TBC1D16: variants seen among roughly 807,000 people sequenced by gnomAD.
The protein encoded by TBC1D16 is CTD-2529O21.1.
TBC1D16 carries 58 observed loss-of-function variants against 74.7 expected under a neutral mutation model. That is an observed-to-expected ratio of 0.78 (90% CI 0.63 to 0.97). The LOEUF is 0.97. Ranked by LOEUF, TBC1D16 falls within the 50% of genes least tolerant of loss-of-function variation. The pLI, the probability that TBC1D16 is intolerant of heterozygous loss-of-function variation, is 0.00. For synonymous variants in TBC1D16, 493 were observed against 474.7 expected, an observed-to-expected ratio of 1.04 and a Z score of -0.50; for missense variants, 1,014 against 1,079.5, an observed-to-expected ratio of 0.94 and a Z score of 0.85.
At chr17:79,964,017 C>G (rs1257727515) in intron 3 of TBC1D16, among the ~76,000 whole-genome samples, 1 of 152,110 alleles carries the variant, frequency 6.6e-6, no homozygotes, top group Non-Finnish European at 1.5e-5. Context: ...GCTCTGTCGT[C>G]CAGGCTGGAG....
intron 1 of TBC1D16, among the ~76,000 whole-genome samples, chr17:80,018,321 G>A (rs183995993): frequency 0.081 from 11,699 of 144,710 alleles, 782 homozygotes; most frequent in Non-Finnish European, 0.091. Flanking sequence ...TCACTCTGTA[G>A]CCCAGGCTGG....
At chr17:80,023,722 G>A (rs1326097557) in intron 1 of TBC1D16, among the ~76,000 whole-genome samples, 1 of 146,784 alleles carries the variant, frequency 6.8e-6, no homozygotes, top group Non-Finnish European at 1.5e-5. Context: ...GCCTGGCCCC[G>A]CTGTGGGCTT....
chr17:79,946,748 G>C (rs2032575461), intron 9 of TBC1D16, among the ~76,000 whole-genome samples: 1 of 152,220 alleles, frequency 6.6e-6, no homozygotes, highest in South Asian at 2.1e-4. Context: ...AGGAAGACCA[G>C]GTCACTCAGT....
At chr17:79,943,296 G>A (rs1270808885) in intron 10 of TBC1D16, among the ~76,000 whole-genome samples, 1 of 152,194 alleles carries the variant, frequency 6.6e-6, no homozygotes, top group Non-Finnish European at 1.5e-5. Flanking sequence ...CACAGCGGAG[G>A]GGTTGCAGGA....
At chr17:79,960,809 A>AAAAAAT (rs2033576160) in intron 3 of TBC1D16, among the ~76,000 whole-genome samples, 1 of 136,146 alleles carries the variant, frequency 7.3e-6, no homozygotes, top group Non-Finnish European at 1.6e-5. Context: ...AAAAAAAAAA[A>AAAAAAT]CGAAGGAATG....
intron 1 of TBC1D16, among the ~76,000 whole-genome samples, chr17:80,024,602 T>TA (rs1568648763): frequency 9.5e-6 from 1 of 105,288 alleles, no homozygotes; most frequent in African/African-American, 4.0e-5. Context: ...CCACACACCA[T>TA]AGACACACAC....
intron 3 of TBC1D16, among the ~76,000 whole-genome samples, chr17:79,982,531 T>C (rs952497956): frequency 6.6e-6 from 1 of 151,940 alleles, no homozygotes; most frequent in African/African-American, 2.4e-5. Context: ...TGTGCACGTG[T>C]GTACAGGTAC....
In TBC1D16 at chr17:79,983,863, A is replaced by T. The variant is rs542421931; in HGVS notation, c.779+26297T>A. Reference sequence around the variant, plus strand: ...GCATGTATCAAATATGACAAAATTTAAAAAAAATTTAAATTTATTTAGAGA... The same window carrying T: ...GCATGTATCAAATATGACAAAATTTTAAAAAAATTTAAATTTATTTAGAGA... On this transcript the variant is annotated intron_variant, in intron 3 of 11. Coordinates refer to ENST00000310924, the MANE Select transcript of TBC1D16 (RefSeq NM_019020.4). The surrounding 1 kb of genome is among the most constrained non-coding windows in gnomAD (Gnocchi z 5.6). Among the ~76,000 whole-genome samples the T allele has an allele frequency of 5.1e-3, 770 of 152,192 alleles. 2 individuals are homozygous for T. The highest frequency in any genetic ancestry group is 0.01 in the African/African-American group (426 of 41,502).
Position 79,940,939 on chromosome 17 carries a change from C to T in TBC1D16, c.2224G>A (p.Glu742Lys). The T allele has an allele frequency of 6.3e-7, 1 of 1,598,048 alleles. No homozygotes were observed. Among genetic ancestry groups the T allele is most frequent in the Admixed American group, 1.7e-5 (1 of 58,988 alleles). ...CTCAGGGACTTGGGGGAAGGCATCT[C>T]CACCGTGCCCCCGTAGGGACAGCTC... The part of the protein sequence containing the change: ...SESCPYGGTV[E>K]MPSPKSLREG... The change falls in exon 12 of 12, where the codon GAG (glutamate) becomes AAG (lysine). Residue 742 changes from glutamate (E) to lysine (K), a missense_variant. By Grantham distance (56) the Glu-to-Lys change is moderately conservative (BLOSUM62 1). Coordinates refer to ENST00000310924, the MANE Select transcript of TBC1D16 (RefSeq NM_019020.4). This position sits in a 1 kb window ranked among gnomAD's most constrained non-coding sequence, Gnocchi z 5.4.
At position 79,945,740 on chromosome 17, in the gene TBC1D16, T is replaced by C. The variant is rs1364081694; in HGVS notation, c.1729-653A>G. Among the ~76,000 whole-genome samples, 4 of 152,200 alleles carry C rather than the reference T, an allele frequency of 2.6e-5. No homozygotes were observed. The East Asian group carries it at 5.8e-4, about 22-fold the overall frequency. The stretch of plus-strand genomic sequence containing the variant: ...CATGAGCCGTCAGAGGCGAATGGCG[T>C]TGGACACTGTAACTGCCTCCCCAAG... On this transcript the variant is annotated intron_variant, in intron 9 of 11. Transcript: ENST00000310924.
At position 79,950,965 on chromosome 17, in the gene TBC1D16, A is replaced by C. The variant is rs1013724880; in HGVS notation, c.1090-387T>G. 1 of 1,001,534 alleles carries C rather than the reference A, an allele frequency of 1.0e-6. No individual in the cohort carries two copies. Among genetic ancestry groups the C allele is most frequent in the Non-Finnish European group, 1.4e-6 (1 of 709,400 alleles). The allele number at this position is 1,001,534 out of a possible 1,614,324, so 62.0% of individuals were successfully genotyped here. ...TCTGCGAGCAGGGAGCCAGCCTGTC[A>C]GATTGCCTCCGCGAGCAGTCACGAA... On this transcript the variant is annotated intron_variant, in intron 5 of 11. Coordinates refer to ENST00000310924, the MANE Select transcript of TBC1D16 (RefSeq NM_019020.4). This position sits in a 1 kb window ranked among gnomAD's most constrained non-coding sequence, Gnocchi z 4.6.
In TBC1D16 at chr17:79,950,343, T is replaced by TCCCTCTCG; in HGVS notation, c.1257+60_1257+67dup. 6.7e-7 allele frequency: 1 copy of TCCCTCTCG among 1,497,672 alleles called. No homozygotes were observed. Among genetic ancestry groups the TCCCTCTCG allele is most frequent in the Non-Finnish European group, 8.9e-7 (1 of 1,129,440 alleles). 92.8% of individuals were successfully genotyped at this position (1,497,672 alleles called of 1,614,324 possible). ...CGGGCGGCCAGGCCCCGGCCCTCCTTCCCTCTCGCTCGTTCCCGGTTCCCG... is the reference window on the plus strand; with the variant it reads ...CGGGCGGCCAGGCCCCGGCCCTCCTTCCCTCTCGCCCTCTCGCTCGTTCCCGGTTCCCG... On this transcript the variant is annotated intron_variant, in intron 6 of 11. Transcript: ENST00000310924. The surrounding 1 kb of genome is among the most constrained non-coding windows in gnomAD (Gnocchi z 4.6).
At chr17:79,998,125 C>CAAAAA (rs901486919) in intron 3 of TBC1D16, among the ~76,000 whole-genome samples, 15 of 51,538 alleles carry the variant, frequency 2.9e-4, no homozygotes, top group Non-Finnish European at 4.9e-4. Flanking sequence ...AACTCTGTCT[C>CAAAAA]AAAAAAAAAA....
In TBC1D16 at chr17:79,979,309, C is replaced by CAG. The variant is rs1410916068; in HGVS notation, c.780-26493_780-26492dup. Among the ~76,000 whole-genome samples the CAG allele has an allele frequency of 1.1e-4, 17 of 151,812 alleles. No homozygotes were observed. The East Asian group carries it at 2.1e-3, about 19-fold the overall frequency. On this transcript the variant is annotated intron_variant, in intron 3 of 11. Coordinates refer to ENST00000310924, the MANE Select transcript of TBC1D16 (RefSeq NM_019020.4). The surrounding 1 kb of genome is among the most constrained non-coding windows in gnomAD (Gnocchi z 4.8). ...CGCTCCGGGGACGCACACCCACGCC[C>CAG]AGAGCACACACGCTCCAGGGATGCA...
Position 79,944,880 on chromosome 17 carries a change from C to T in TBC1D16, c.1908+28G>A. The stretch of plus-strand genomic sequence containing the variant: ...GGTTCAGGGGCCATGGTCCCAACCT[C>T]CCCAGCCCTGGCCCCTGCCCTGGTC... On this transcript the variant is annotated intron_variant, in intron 10 of 11. Coordinates refer to ENST00000310924, the MANE Select transcript of TBC1D16 (RefSeq NM_019020.4). This position sits in a 1 kb window ranked among gnomAD's most constrained non-coding sequence, Gnocchi z 7.7. 6.5e-7 allele frequency: 1 copy of T among 1,537,968 alleles called. No individual in the cohort carries two copies. The highest frequency in any genetic ancestry group is 8.8e-7 in the Non-Finnish European group (1 of 1,141,300).
Position 79,950,295 on chromosome 17 carries a change from A to T in TBC1D16, c.1257+116T>A. 2.5e-6 allele frequency: 3 copies of T among 1,191,760 alleles called. No homozygotes were observed. The highest frequency in any genetic ancestry group is 3.4e-6 in the Non-Finnish European group (3 of 878,488). 73.8% of individuals were successfully genotyped at this position (1,191,760 alleles called of 1,614,324 possible). A position where few individuals can be genotyped will look rare whatever the true frequency, so the allele number is the denominator to read the frequency against. On this transcript the variant is annotated intron_variant, in intron 6 of 11. Transcript: ENST00000310924. The surrounding 1 kb of genome is among the most constrained non-coding windows in gnomAD (Gnocchi z 4.6). ...CACACAAGAAAACGGGGCCCTCACG[A>T]GGAGGTGGCCCGTGGGTGCGGGCGG...
intron 3 of TBC1D16, among the ~76,000 whole-genome samples, chr17:79,955,538 G>A (rs534469267): frequency 7.9e-5 from 12 of 152,208 alleles, no homozygotes; most frequent in Non-Finnish European, 1.8e-4. Flanking sequence ...TTCTACACAC[G>A]TAAAGCAATT....
At chr17:79,964,417 C>T (rs758597849) in intron 3 of TBC1D16, among the ~76,000 whole-genome samples, 13 of 152,224 alleles carry the variant, frequency 8.5e-5, no homozygotes, top group Non-Finnish European at 1.3e-4. Flanking sequence ...TATTTTGATG[C>T]GCACATTTTT....
rs1430952081 is a variant in TBC1D16 at position 79,944,572 on chromosome 17, C to T, written c.1908+336G>A. On this transcript the variant is annotated intron_variant, in intron 10 of 11. Coordinates refer to ENST00000310924, the MANE Select transcript of TBC1D16 (RefSeq NM_019020.4). This position sits in a 1 kb window ranked among gnomAD's most constrained non-coding sequence, Gnocchi z 7.7. ...GAGGGGGTGGAGCGGTGCTGGCTCA[C>T]GCTCGTGGGCACCAGCGTCCTGGGC... Among the ~76,000 whole-genome samples the T allele has an allele frequency of 6.6e-6, 1 of 152,172 alleles. No individual in the cohort carries two copies. The highest frequency in any genetic ancestry group is 1.9e-4 in the East Asian group (1 of 5,186).
Sources: gnomAD v4.1 joint callset for allele counts (sites outside exome capture counted in the v4.1 genomes callset) on GRCh38, gnomAD v4.1.1 for gene constraint, Gnocchi (gnomAD v3.1) non-coding constraint, MANE v1.5 for transcripts, NCBI Gene and HGNC (gene_info 2026-07-23, HGNC 2026-07-21) for gene names.